Variants in PLD1 observed in about 807,000 individuals in gnomAD.
PLD1 encodes phospholipase D1, also known as choline phosphatase 1.
A neutral mutation model predicts 137.1 loss-of-function variants in PLD1; 112 were observed. The observed-to-expected ratio is 0.82, with a 90% CI of 0.70 to 0.96. PLD1 has a LOEUF of 0.96. Among genes scored for constraint, PLD1 ranks in the 40% least tolerant of loss-of-function variants. The pLI, the probability that PLD1 is intolerant of heterozygous loss-of-function variation, is 0.00. For synonymous variants in PLD1, 431 were observed against 454.7 expected, an observed-to-expected ratio of 0.95 and a Z score of 0.66; for missense variants, 1,321 against 1,342.0, an observed-to-expected ratio of 0.98 and a Z score of 0.24.
chr3:171,790,374 C>A (rs1232340583), intron 1 of PLD1, among the ~76,000 whole-genome samples: 1 of 152,166 alleles, frequency 6.6e-6, no homozygotes, highest in African/African-American at 2.4e-5. Flanking sequence ...TAAACCCTGA[C>A]TGATTCATGA....
At chr3:171,740,656 A>T (rs1719713617) in intron 1 of PLD1, among the ~76,000 whole-genome samples, 1 of 152,226 alleles carries the variant, frequency 6.6e-6, no homozygotes, top group African/African-American at 2.4e-5. Flanking sequence ...TACAGAGCCA[A>T]TGCACCAAGC....
intron 12 of PLD1, among the ~76,000 whole-genome samples, chr3:171,697,401 T>C (rs1018174440): frequency 6.6e-6 from 1 of 151,952 alleles, no homozygotes; most frequent in South Asian, 2.1e-4. Context: ...CCCGCCACCA[T>C]GCCCGGCTAA....
intron 8 of PLD1, among the ~76,000 whole-genome samples, chr3:171,716,828 C>T (rs1275114910): frequency 1.3e-5 from 2 of 152,158 alleles, no homozygotes; most frequent in East Asian, 1.9e-4. Context: ...GTTCCAATGT[C>T]CAGAATGGTA....
chr3:171,601,406 T>C lies in PLD1; in HGVS notation c.*1672A>G, dbSNP rs1169805276. The C allele has an allele frequency of 1.3e-5, 2 of 152,162 alleles. No homozygotes were observed. The highest frequency in any genetic ancestry group is 4.8e-5 in the African/African-American group (2 of 41,406). 9.4% of individuals were successfully genotyped at this position (152,162 alleles called of 1,614,324 possible). On this transcript the variant is annotated 3_prime_UTR_variant, in exon 27 of 27. Transcript: ENST00000351298. ...ACTTCAAATGCCAATCTGAACTTCT[T>C]TCATCAATAGCAAATTCTTATTTAC...
At chr3:171,685,675 C>T (rs186094621) in intron 16 of PLD1, among the ~76,000 whole-genome samples, 122 of 152,290 alleles carry the variant, frequency 8.0e-4, no homozygotes, top group Admixed American at 1.4e-3. Context: ...ATCTGACCAG[C>T]GGCCAAATCC....
intron 16 of PLD1, among the ~76,000 whole-genome samples, chr3:171,681,562 A>G (rs548742452): frequency 1.9e-4 from 29 of 152,334 alleles, no homozygotes; most frequent in Admixed American, 5.2e-4. Context: ...GGCCAGTTCC[A>G]ATACAGGCAC....
chr3:171,793,051 C>T (rs9831169), intron 1 of PLD1: 70,906 of 240,494 alleles, frequency 0.29, 11,304 homozygotes, highest in Admixed American at 0.36. Flanking sequence ...GTGAAATTTG[C>T]GTGATCTCCA....
chr3:171,618,182 C>T (rs971671800), intron 24 of PLD1, among the ~76,000 whole-genome samples: 1 of 152,170 alleles, frequency 6.6e-6, no homozygotes, highest in African/African-American at 2.4e-5. Flanking sequence ...GGGCCATATC[C>T]TCAGTTTCAA....
intron 6 of PLD1, among the ~76,000 whole-genome samples, chr3:171,727,100 C>A (rs1004601620): frequency 1.3e-5 from 2 of 151,974 alleles, no homozygotes; most frequent in Non-Finnish European, 2.9e-5. Flanking sequence ...AAATATTATT[C>A]TTTTGATTTT....
chr3:171,634,986 G>C (rs1734984004), intron 23 of PLD1, among the ~76,000 whole-genome samples: 1 of 152,024 alleles, frequency 6.6e-6, no homozygotes, highest in Non-Finnish European at 1.5e-5. Context: ...CTATGGATTT[G>C]CCTATTGAAG....
At chr3:171,628,776 A>G (rs1734372965) in intron 23 of PLD1, among the ~76,000 whole-genome samples, 3 of 152,294 alleles carry the variant, frequency 2.0e-5, no homozygotes, top group South Asian at 4.1e-4. Context: ...GATTATCTCA[A>G]TAGATGCAGA....
chr3:171,646,453 C>T (rs1490144288), intron 21 of PLD1, among the ~76,000 whole-genome samples: 1 of 152,114 alleles, frequency 6.6e-6, no homozygotes, highest in African/African-American at 2.4e-5. Context: ...GCAGAAATGA[C>T]TACCAACAAT....
rs2108258365 is a variant in PLD1 at position 171,733,527 on chromosome 3, T to C, written c.541-18A>G. On this transcript the variant is annotated intron_variant, in intron 5 of 26. Coordinates refer to ENST00000351298, the MANE Select transcript of PLD1 (RefSeq NM_002662.5). Reference sequence around the variant, plus strand: ...AGTTGTTTCTGTAATGCAAATATTTTAGATAAGTGTTAACATGGTCATATT... The same window carrying C: ...AGTTGTTTCTGTAATGCAAATATTTCAGATAAGTGTTAACATGGTCATATT... 1 of 946,628 alleles carries C rather than the reference T, an allele frequency of 1.1e-6. No individual in the cohort carries two copies. Among genetic ancestry groups the C allele is most frequent in the East Asian group, 2.4e-5 (1 of 41,506 alleles). 58.6% of individuals were successfully genotyped at this position (946,628 alleles called of 1,614,324 possible). A position where few individuals can be genotyped will look rare whatever the true frequency, so the allele number is the denominator to read the frequency against.
chr3:171,619,307 G>A (rs1437669043), intron 24 of PLD1, among the ~76,000 whole-genome samples: 1 of 152,138 alleles, frequency 6.6e-6, no homozygotes, highest in African/African-American at 2.4e-5. Flanking sequence ...AGCTTTCTAT[G>A]TATATAAAAG....
intron 1 of PLD1, among the ~76,000 whole-genome samples, chr3:171,743,763 C>T (rs764926247): frequency 3.9e-5 from 6 of 152,152 alleles, no homozygotes; most frequent in East Asian, 1.9e-4. Flanking sequence ...TCCACTGAGC[C>T]GCAATCATGT....
chr3:171,759,206 C>A (rs1002203946), intron 1 of PLD1, among the ~76,000 whole-genome samples: 1 of 151,986 alleles, frequency 6.6e-6, no homozygotes, highest in African/African-American at 2.4e-5. Context: ...AAGCGGTATG[C>A]CTTATTCAGG....
At chr3:171,630,564 C>T (rs1385955758) in intron 23 of PLD1, among the ~76,000 whole-genome samples, 7 of 137,834 alleles carry the variant, frequency 5.1e-5, no homozygotes, top group African/African-American at 1.8e-4. Flanking sequence ...CACATGCACA[C>T]GTATGTTTAT....
At chr3:171,756,028 T>C (rs939144746) in intron 1 of PLD1, among the ~76,000 whole-genome samples, 1 of 152,208 alleles carries the variant, frequency 6.6e-6, no homozygotes, top group African/African-American at 2.4e-5. Context: ...TAACTCTCTA[T>C]ATCCAATCAA....
chr3:171,623,313 CTT>C (rs57580074), intron 23 of PLD1, among the ~76,000 whole-genome samples: 21 of 130,014 alleles, frequency 1.6e-4, no homozygotes, highest in African/African-American at 4.2e-4. Context: ...CCCTATCAGA[CTT>C]TTTTTTTTTT....
Sources: gnomAD v4.1 joint callset for allele counts (sites outside exome capture counted in the v4.1 genomes callset) on GRCh38, gnomAD v4.1.1 for gene constraint, MANE v1.5 for transcripts, NCBI Gene and HGNC (gene_info 2026-07-23, HGNC 2026-07-21) for gene names.